The following HS6ST2 variants were observed in gnomAD, a reference collection of about 807,000 sequenced individuals.
The protein encoded by HS6ST2 is heparan-sulfate 6-O-sulfotransferase 2.
HS6ST2 carries 17 observed loss-of-function variants against 33.0 expected under a neutral mutation model. The observed-to-expected ratio is 0.52, with a 90% confidence interval of 0.35 to 0.77. The LOEUF is 0.77. HS6ST2 is among the 30% of genes least tolerant of loss of function. The probability of loss-of-function intolerance (pLI) is 0.01; values close to 1 mark genes in which losing one functional copy is unlikely to be tolerated. For missense variants in HS6ST2, 519 were observed against 551.7 expected (o/e 0.94, Z 0.59); for synonymous variants, 248 against 237.1 (o/e 1.05, Z -0.42).
chrX:132,731,802 G>A (rs896771314), intron 2 of HS6ST2, among the ~76,000 whole-genome samples: 7 of 109,191 alleles, frequency 6.4e-5, no homozygotes, highest in Admixed American at 2.9e-4. Flanking sequence ...AGTGGAGATC[G>A]CGCCACTGCA....
intron 4 of HS6ST2, among the ~76,000 whole-genome samples, chrX:132,658,003 T>C (rs931214935): frequency 9.2e-6 from 1 of 109,010 alleles, no homozygotes; most frequent in Non-Finnish European, 1.9e-5. Flanking sequence ...TCCCCAACCA[T>C]GATGAGAAAG....
chrX:132,855,388 G>A (rs1349717562), intron 2 of HS6ST2, among the ~76,000 whole-genome samples: 2 of 112,395 alleles, frequency 1.8e-5, no homozygotes, highest in Non-Finnish European at 1.9e-5. Flanking sequence ...GAAATAGCTT[G>A]CTTAAAAAGA....
intron 2 of HS6ST2, among the ~76,000 whole-genome samples, chrX:132,722,887 A>C (rs1792903685): frequency 9.3e-6 from 1 of 108,023 alleles, no homozygotes; most frequent in Admixed American, 9.9e-5. Flanking sequence ...AAAAAAACAA[A>C]AAAAAAAAAA....
At chrX:132,750,537 A>C (rs1186857985) in intron 2 of HS6ST2, among the ~76,000 whole-genome samples, 3 of 111,202 alleles carry the variant, frequency 2.7e-5, no homozygotes, top group Non-Finnish European at 5.7e-5. Flanking sequence ...ATCTAAAGAC[A>C]TCTGTTTAGA....
intron 2 of HS6ST2, among the ~76,000 whole-genome samples, chrX:132,933,740 G>A (rs2066797878): frequency 8.9e-6 from 1 of 111,785 alleles, no homozygotes; most frequent in Non-Finnish European, 1.9e-5. Flanking sequence ...CCATCACACA[G>A]AGGAACCTCA....
intron 2 of HS6ST2, among the ~76,000 whole-genome samples, chrX:132,931,944 T>TG (rs2066772030): frequency 9.2e-6 from 1 of 108,950 alleles, no homozygotes; most frequent in Admixed American, 9.7e-5. Context: ...CCCAGCACTT[T>TG]GGGAGCCGAA....
At chrX:132,650,257 A>C (rs750662782) in intron 4 of HS6ST2, among the ~76,000 whole-genome samples, 2 of 111,572 alleles carry the variant, frequency 1.8e-5, no homozygotes, top group South Asian at 7.7e-4. Context: ...TGAAGTCTTG[A>C]GAAGTCAGTC....
At chrX:132,637,971 T>TATA (rs1293205845) in intron 4 of HS6ST2, among the ~76,000 whole-genome samples, 1 of 80,716 alleles carries the variant, frequency 1.2e-5, no homozygotes, top group East Asian at 3.6e-4. Flanking sequence ...AAATATTTTA[T>TATA]ATATATATAT....
At chrX:132,672,751 A>G (rs753199488) in intron 3 of HS6ST2, among the ~76,000 whole-genome samples, 1 of 112,562 alleles carries the variant, frequency 8.9e-6, no homozygotes, top group South Asian at 3.7e-4. Context: ...AGTATTATGC[A>G]CATTCTATTC....
At chrX:132,909,088 T>G (rs1297970194) in intron 2 of HS6ST2, among the ~76,000 whole-genome samples, 1 of 109,520 alleles carries the variant, frequency 9.1e-6, no homozygotes, top group Non-Finnish European at 1.9e-5. Flanking sequence ...TCACCCAGCA[T>G]GGAGCCAGTC....
chrX:132,695,636 A>T (rs1303951134), intron 3 of HS6ST2, among the ~76,000 whole-genome samples: 1 of 112,007 alleles, frequency 8.9e-6, no homozygotes, highest in Non-Finnish European at 1.9e-5. Context: ...GAAATAAACC[A>T]GATACTAAAA....
chrX:132,801,536 C>T (rs1369624964), intron 2 of HS6ST2, among the ~76,000 whole-genome samples: 2 of 111,605 alleles, frequency 1.8e-5, no homozygotes, highest in Admixed American at 1.9e-4. Context: ...AGTGAGCTTC[C>T]TAAAGCCAGA....
intron 2 of HS6ST2, among the ~76,000 whole-genome samples, chrX:132,916,629 C>G (rs911697184): frequency 5.3e-5 from 6 of 112,266 alleles, no homozygotes; most frequent in African/African-American, 1.9e-4. Context: ...GTGGAATTAG[C>G]TGACTTCCTA....
At chrX:132,637,842 TTATATATAATA>T (rs1223845047) in intron 4 of HS6ST2, among the ~76,000 whole-genome samples, 3 of 40,780 alleles carry the variant, frequency 7.4e-5, no homozygotes, top group South Asian at 9.6e-4. Context: ...ATATAATATT[TTATATATAATA>T]TATATATAAT....
intron 2 of HS6ST2, among the ~76,000 whole-genome samples, chrX:132,765,582 G>A (rs1017960323): frequency 2.7e-5 from 3 of 110,492 alleles, no homozygotes; most frequent in Non-Finnish European, 5.7e-5. Flanking sequence ...TCAGTCTCCC[G>A]AGTAGCTGGC....
At chrX:132,854,016 A>G (rs1204251088) in intron 2 of HS6ST2, among the ~76,000 whole-genome samples, 2 of 110,743 alleles carry the variant, frequency 1.8e-5, no homozygotes, top group Non-Finnish European at 3.8e-5. Flanking sequence ...AGCTCAGGTG[A>G]CAGTGAGACC....
chrX:132,938,171 A>C (rs747331713), intron 2 of HS6ST2, among the ~76,000 whole-genome samples: 5 of 109,186 alleles, frequency 4.6e-5, no homozygotes, highest in Admixed American at 9.8e-5. Flanking sequence ...CAAAAAAAAA[A>C]AAACAAATAA....
chrX:132,895,605 C>A (rs1481272370), intron 2 of HS6ST2, among the ~76,000 whole-genome samples: 1 of 111,534 alleles, frequency 9.0e-6, no homozygotes, highest in Non-Finnish European at 1.9e-5. Context: ...TAGATGAGGG[C>A]TTTATATGCA....
chrX:132,834,007 A>C (rs756859667), intron 2 of HS6ST2, among the ~76,000 whole-genome samples: 1 of 110,809 alleles, frequency 9.0e-6, no homozygotes, highest in Non-Finnish European at 1.9e-5. Context: ...CTCATTTGGC[A>C]GATACAGAAA....
Sources: allele counts gnomAD v4.1 joint callset (sites outside exome capture counted in the v4.1 genomes callset), GRCh38; gene constraint gnomAD v4.1.1; transcripts MANE v1.5; gene names NCBI Gene and HGNC (gene_info 2026-07-23, HGNC 2026-07-21).